The following SDK1 variants were observed in gnomAD, a reference collection of about 807,000 sequenced individuals.
SDK1 encodes protein sidekick-1.
In SDK1, 157 loss-of-function variants were observed where a neutral mutation model predicts 245.5. The observed-to-expected ratio is 0.64, with a 90% CI of 0.56 to 0.73. The LOEUF (loss-of-function observed/expected upper bound fraction) is 0.73. SDK1 is among the 30% of genes least tolerant of loss of function. The pLI is 0.00. For synonymous variants in SDK1, 1,647 were observed against 1,278.5 expected (o/e 1.29, Z -6.15); for missense variants, 3,583 against 3,002.3 (o/e 1.19, Z -4.52).
rs1781259986 is a variant in SDK1, at chr7:3,883,628, A to G, written c.847+62045A>G. Among the ~76,000 whole-genome samples the G allele has an allele frequency of 2.6e-5, 4 of 152,258 alleles. No individual in the cohort carries two copies. The South Asian group carries it at 8.3e-4, about 32-fold the overall frequency. On this transcript the variant is annotated intron_variant, in intron 5 of 44. Transcript: ENST00000404826. The stretch of plus-strand genomic sequence containing the variant: ...CAGGCCTTTGACCTCTGTTCGAAGA[A>G]ATCAAAACTGTGCCATGAAGACAGA...
rs149029148 is a variant in SDK1 at position 4,119,771 on chromosome 7, A to G, written c.3823+5497A>G. 3.6e-3 allele frequency among the ~76,000 whole-genome samples: 541 copies of G among 149,202 alleles called. 31 individuals carry two copies. The highest frequency in any genetic ancestry group is 0.013 in the African/African-American group (515 of 40,944). On this transcript the variant is annotated intron_variant, in intron 25 of 44. Coordinates refer to ENST00000404826, the MANE Select transcript of SDK1 (RefSeq NM_152744.4). ...AAATAAAAAGCCTTTTTAAAGATGA[A>G]TCACAATTGTCAAGCACACAGGCAA...
intron 20 of SDK1, 113 bp from the exon 21 acceptor site, chr7:4,076,885 C>A: frequency 1.1e-6 from 1 of 898,462 alleles, no homozygotes; most frequent in Non-Finnish European, 1.7e-6. Context: ...CTGCCTTCAG[C>A]ACATCCAGCC....
At position 4,151,143 on chromosome 7, in the gene SDK1, G is replaced by T. The variant is rs532273768; in HGVS notation, c.4625+1680G>T. ...GTGTCAAATGCAAATCCTGACCAGA[G>T]TCCCTGAGCAGTCCAAGGAGGGTCA... On this transcript the variant is annotated intron_variant, in intron 30 of 44. Transcript: ENST00000404826. 4.6e-5 allele frequency among the ~76,000 whole-genome samples: 7 copies of T among 152,328 alleles called. No homozygotes were observed. The East Asian group carries it at 1.2e-3, about 25-fold the overall frequency.
chr7:4,127,136 T>C (rs73048321), intron 25 of SDK1, among the ~76,000 whole-genome samples: 6,510 of 152,286 alleles, frequency 0.043, 192 homozygotes, highest in Admixed American at 0.064. Flanking sequence ...AAGCATCTTT[T>C]TTTTCTTGCT....
intron 4 of SDK1, among the ~76,000 whole-genome samples, chr7:3,749,475 A>G (rs1319687190): frequency 6.6e-6 from 1 of 152,096 alleles, no homozygotes; most frequent in Non-Finnish European, 1.5e-5. Flanking sequence ...AATTTTTTGT[A>G]TCTTTAGTAG....
chr7:3,727,223 C>T (rs1262059124), intron 4 of SDK1, among the ~76,000 whole-genome samples: 1 of 152,182 alleles, frequency 6.6e-6, no homozygotes, highest in Admixed American at 6.5e-5. Flanking sequence ...GATAGAGAAG[C>T]ATGTTACTTT....
chr7:3,601,486 A>T (rs1298365327), intron 1 of SDK1, among the ~76,000 whole-genome samples: 2 of 151,990 alleles, frequency 1.3e-5, no homozygotes, highest in Non-Finnish European at 2.9e-5. Context: ...CTATCTTCTA[A>T]GCTGTTAAAT....
At chr7:3,641,457 T>G (rs895485230) in intron 3 of SDK1, among the ~76,000 whole-genome samples, 1 of 152,088 alleles carries the variant, frequency 6.6e-6, no homozygotes, top group Non-Finnish European at 1.5e-5. Context: ...TATAGACTCT[T>G]CAGTGGTTAG....
chr7:3,428,847 A>C (rs1391111638), intron 1 of SDK1, among the ~76,000 whole-genome samples: 1 of 152,196 alleles, frequency 6.6e-6, no homozygotes, highest in Non-Finnish European at 1.5e-5. Context: ...CTGGAAAGGA[A>C]AGGAACATCC....
chr7:3,659,559 A>T (rs928355578), intron 4 of SDK1, among the ~76,000 whole-genome samples: 2 of 152,124 alleles, frequency 1.3e-5, no homozygotes, highest in African/African-American at 4.8e-5. Context: ...ACATTCTCCG[A>T]GGAGAGTGGC....
intron 1 of SDK1, among the ~76,000 whole-genome samples, chr7:3,504,136 C>T (rs920934816): frequency 4.9e-5 from 7 of 141,626 alleles, no homozygotes; most frequent in African/African-American, 7.8e-5. Context: ...GGCAACAGAG[C>T]GAGACTCCTT....
Position 4,132,382 on chromosome 7 carries a change from T to C in SDK1, c.4187T>C (p.Ile1396Thr), listed in dbSNP as rs1784890890. The change falls in exon 28 of 45, where the codon ATA (isoleucine) becomes ACA (threonine). Residue 1396 changes from isoleucine (I) to threonine (T), a missense_variant. Physicochemically the swap from Ile to Thr is moderately conservative, Grantham distance 89 (BLOSUM62 -1). Coordinates refer to ENST00000404826, the MANE Select transcript of SDK1 (RefSeq NM_152744.4). ...FPEVRLTSVR[I>T]VWQPPEEPNG... ...GAAGTGAGACTCACCTCCGTGCGGA[T>C]AGTGTGGCAACCTCCGGAGGAGCCC... is the stretch of plus-strand genomic sequence containing the variant. 1 of 1,613,062 alleles carries C rather than the reference T, an allele frequency of 6.2e-7. No individual in the cohort carries two copies.
At chr7:3,562,102 T>A (rs1779768817) in intron 1 of SDK1, among the ~76,000 whole-genome samples, 1 of 152,228 alleles carries the variant, frequency 6.6e-6, no homozygotes, top group Non-Finnish European at 1.5e-5. Flanking sequence ...CTCTACAATG[T>A]GTTGCCTCAG....
chr7:3,435,863 C>G (rs1780006965), intron 1 of SDK1, among the ~76,000 whole-genome samples: 1 of 152,156 alleles, frequency 6.6e-6, no homozygotes, highest in South Asian at 2.1e-4. Context: ...ATATTTCCAG[C>G]CCTAACCTCT....
chr7:3,520,478 C>T (rs1341343441), intron 1 of SDK1, among the ~76,000 whole-genome samples: 3 of 152,046 alleles, frequency 2.0e-5, no homozygotes, highest in African/African-American at 7.2e-5. Flanking sequence ...CAGACTACAC[C>T]CTGAATCCTG....
intron 1 of SDK1, among the ~76,000 whole-genome samples, chr7:3,359,635 C>G (rs1424638544): frequency 6.6e-6 from 1 of 152,170 alleles, no homozygotes; most frequent in African/African-American, 2.4e-5. Flanking sequence ...CGCCTGGTCC[C>G]TTAGTGCTGA....
At chr7:3,639,141 T>C (rs1438907818) in intron 3 of SDK1, 31 bp downstream of exon 3, 2 of 1,311,514 alleles carry the variant, frequency 1.5e-6, no homozygotes, top group Non-Finnish European at 2.1e-6. Flanking sequence ...TGTCCAAATG[T>C]TAAAGAACAA....
intron 1 of SDK1, among the ~76,000 whole-genome samples, chr7:3,444,915 A>G (rs143619195): frequency 1.9e-4 from 29 of 152,360 alleles, no homozygotes; most frequent in Middle Eastern, 3.4e-3. Context: ...ATGTAGAGTA[A>G]TAAGATAAGA....
chr7:3,469,669 A>C (rs762924433), intron 1 of SDK1, among the ~76,000 whole-genome samples: 2 of 152,172 alleles, frequency 1.3e-5, no homozygotes, highest in Non-Finnish European at 2.9e-5. Flanking sequence ...TCTAACGTCT[A>C]GTTACTTAAG....
Sources: allele counts gnomAD v4.1 joint callset (sites outside exome capture counted in the v4.1 genomes callset), GRCh38; gene constraint gnomAD v4.1.1; transcripts MANE v1.5; gene names NCBI Gene and HGNC (gene_info 2026-07-23, HGNC 2026-07-21).